The following TMEM131L variants were observed in gnomAD, a reference collection of about 807,000 sequenced individuals.
TMEM131L encodes transmembrane 131 like, also known as transmembrane protein 131-like.
TMEM131L carries 54 observed loss-of-function variants against 192.2 expected under a neutral mutation model. That is an observed-to-expected ratio of 0.28 (90% confidence interval 0.23 to 0.35). The LOEUF (loss-of-function observed/expected upper bound fraction) is 0.35, where lower values mean the gene tolerates loss of function less well. TMEM131L is among the 10% of genes least tolerant of loss of function. The pLI is 1.00. For missense variants in TMEM131L, 1,888 were observed against 1,972.9 expected (o/e 0.96, Z 0.82); for synonymous variants, 701 against 704.9 (o/e 0.99, Z 0.09).
At chr4:153,606,179 A>G (rs1561237551) in intron 25 of TMEM131L, among the ~76,000 whole-genome samples, 1 of 152,238 alleles carries the variant, frequency 6.6e-6, no homozygotes, top group African/African-American at 2.4e-5. Context: ...GGGGTCTAGA[A>G]TACAAAACAT....
intron 3 of TMEM131L, among the ~76,000 whole-genome samples, chr4:153,475,507 A>C (rs1219868872): frequency 6.6e-6 from 1 of 152,216 alleles, no homozygotes; most frequent in East Asian, 1.9e-4. Context: ...GTTGGGGGGA[A>C]AATAGCTCTG....
chr4:153,608,472 G>A (rs1249454089), intron 25 of TMEM131L, among the ~76,000 whole-genome samples: 1 of 152,192 alleles, frequency 6.6e-6, no homozygotes, highest in Admixed American at 6.5e-5. Context: ...GTAGATTAGA[G>A]TTATGGCTAA....
At chr4:153,615,114 ATAT>A (rs1732884674) in intron 26 of TMEM131L, among the ~76,000 whole-genome samples, 2 of 152,218 alleles carry the variant, frequency 1.3e-5, no homozygotes, top group African/African-American at 2.4e-5. Flanking sequence ...TCATTCTATA[ATAT>A]TCGGTTAGTT....
chr4:153,477,497 C>T (rs572886120), intron 3 of TMEM131L, among the ~76,000 whole-genome samples: 4 of 152,134 alleles, frequency 2.6e-5, no homozygotes, highest in African/African-American at 9.6e-5. Flanking sequence ...TTAAGATATT[C>T]GTAGATTTTG....
At chr4:153,594,877 G>T (rs1731320397) in intron 19 of TMEM131L, among the ~76,000 whole-genome samples, 1 of 152,070 alleles carries the variant, frequency 6.6e-6, no homozygotes, top group South Asian at 2.1e-4. Context: ...GGTCTTCAAG[G>T]CTATTCAGGA....
intron 7 of TMEM131L, among the ~76,000 whole-genome samples, chr4:153,579,388 T>G (rs1322845543): frequency 1.3e-5 from 2 of 152,208 alleles, no homozygotes; most frequent in African/African-American, 4.8e-5. Flanking sequence ...AATCATATTA[T>G]TCTATTTAAG....
intron 19 of TMEM131L, among the ~76,000 whole-genome samples, chr4:153,595,029 G>A (rs13147416): frequency 0.39 from 59,273 of 151,942 alleles, 12,154 homozygotes; most frequent in African/African-American, 0.53. Flanking sequence ...TCATTTGGAA[G>A]AAGTTTTTAT....
intron 7 of TMEM131L, among the ~76,000 whole-genome samples, chr4:153,574,286 G>A (rs912075818): frequency 6.6e-6 from 1 of 151,924 alleles, no homozygotes; most frequent in Non-Finnish European, 1.5e-5. Context: ...TTTTGTTTTA[G>A]TGGTTAATAT....
chr4:153,552,930 G>A (rs6831414), intron 4 of TMEM131L, among the ~76,000 whole-genome samples: 68,126 of 150,232 alleles, frequency 0.45, 20,218 homozygotes, highest in African/African-American at 0.85. Flanking sequence ...TTTTTCTTGT[G>A]TTGTTATTTT....
At chr4:153,540,373 A>G (rs944210093) in intron 3 of TMEM131L, among the ~76,000 whole-genome samples, 15 of 152,170 alleles carry the variant, frequency 9.9e-5, no homozygotes, top group Non-Finnish European at 4.4e-5. Flanking sequence ...CAGCACGTTC[A>G]GCCTTCTAGA....
At chr4:153,521,980 A>G (rs983245167) in intron 3 of TMEM131L, among the ~76,000 whole-genome samples, 3 of 152,142 alleles carry the variant, frequency 2.0e-5, no homozygotes, top group African/African-American at 7.2e-5. Flanking sequence ...CCTACCCAAC[A>G]TAACTTTTGT....
intron 25 of TMEM131L, among the ~76,000 whole-genome samples, chr4:153,605,214 A>G (rs915122893): frequency 1.3e-5 from 2 of 152,234 alleles, no homozygotes; most frequent in Non-Finnish European, 2.9e-5. Flanking sequence ...AATACAAGCC[A>G]AAGTAGACTA....
intron 3 of TMEM131L, among the ~76,000 whole-genome samples, chr4:153,506,997 T>C (rs1162363285): frequency 1.3e-5 from 2 of 151,970 alleles, no homozygotes; most frequent in African/African-American, 4.8e-5. Flanking sequence ...GCTGGCACAG[T>C]TTGGGTTCTT....
intron 7 of TMEM131L, among the ~76,000 whole-genome samples, chr4:153,564,855 A>C (rs1437638770): frequency 6.6e-6 from 1 of 152,210 alleles, no homozygotes; most frequent in East Asian, 1.9e-4. Context: ...TTTGCTTGGC[A>C]TACAAGGTCC....
chr4:153,540,544 T>G (rs1479163508), intron 3 of TMEM131L, among the ~76,000 whole-genome samples: 1 of 152,228 alleles, frequency 6.6e-6, no homozygotes, highest in East Asian at 1.9e-4. Context: ...CATAACACTG[T>G]GAGCCTGTGA....
chr4:153,493,627 T>C (rs1732957277), intron 3 of TMEM131L, among the ~76,000 whole-genome samples: 1 of 152,128 alleles, frequency 6.6e-6, no homozygotes, highest in Admixed American at 6.5e-5. Context: ...ACCACTGCTC[T>C]CCAGTCTGGG....
At chr4:153,623,680 A>C (rs1353800174) in intron 29 of TMEM131L, among the ~76,000 whole-genome samples, 3 of 152,340 alleles carry the variant, frequency 2.0e-5, no homozygotes, top group African/African-American at 7.2e-5. Context: ...AGCATGTGTC[A>C]GCATTTCCTT....
At chr4:153,544,709 C>T (rs1305321723) in intron 3 of TMEM131L, among the ~76,000 whole-genome samples, 1 of 152,146 alleles carries the variant, frequency 6.6e-6, no homozygotes, top group Admixed American at 6.5e-5. Flanking sequence ...CTCAGATAGC[C>T]CCATTCTCCA....
chr4:153,601,974 T>A (rs186853987), intron 21 of TMEM131L, 178 bp from the exon 22 acceptor site: 1 of 468,264 alleles, frequency 2.1e-6, no homozygotes, highest in East Asian at 3.6e-5. Flanking sequence ...TAGAACAGAA[T>A]CTATAATTGT....
Sources: gnomAD v4.1 joint callset for allele counts (sites outside exome capture counted in the v4.1 genomes callset) on GRCh38, gnomAD v4.1.1 for gene constraint, MANE v1.5 for transcripts, NCBI Gene and HGNC (gene_info 2026-07-23, HGNC 2026-07-21) for gene names.